Variants in OR2T35 observed in about 807,000 individuals in gnomAD.
OR2T35 encodes the protein olfactory receptor 2T35.
For missense variants in OR2T35, 47 were observed against 278.8 expected, an observed-to-expected ratio of 0.17 and a Z score of 5.92; for synonymous variants, 18 against 110.2, an observed-to-expected ratio of 0.16 and a Z score of 5.24.
intron 1 of OR2T35, among the ~76,000 whole-genome samples, chr1:248,644,523 G>A (rs1312219424): frequency 3.6e-5 from 5 of 137,532 alleles, no homozygotes; most frequent in Non-Finnish European, 7.8e-5. Flanking sequence ...GGAAGAGAGA[G>A]GGGAGAGTCC....
rs146574861 is a variant in OR2T35 at position 248,638,482 on chromosome 1, G to A, written c.777C>T (p.Asn259=). Reference sequence around the variant, plus strand: ...GAGTGTGGTAGGAGTGGGGCAGCACGTTGGTGTAGAAGGCTGCCCCGTAGA... The same window carrying A: ...GAGTGTGGTAGGAGTGGGGCAGCACATTGGTGTAGAAGGCTGCCCCGTAGA... ...SVFYGAAFYT[N]VLPHSYHTPE... Residue 259 remains asparagine (N), a synonymous_variant, in exon 2 of 2, where the codon AAC becomes AAT. Transcript: ENST00000641268. The A allele has an allele frequency of 4.4e-3, 5,635 of 1,287,842 alleles. 96 individuals carry two copies. The highest frequency in any genetic ancestry group is 0.019 in the African/African-American group (1,112 of 58,764). The allele number at this position is 1,287,842 out of a possible 1,614,324, so 79.8% of individuals were successfully genotyped here. A position where few individuals can be genotyped will look rare whatever the true frequency, so the allele number is the denominator to read the frequency against.
intron 1 of OR2T35, among the ~76,000 whole-genome samples, chr1:248,643,914 T>C (rs1572109429): frequency 1.7e-5 from 1 of 59,718 alleles, no homozygotes; most frequent in Non-Finnish European, 4.4e-5. Context: ...CAGCCTCTCT[T>C]TGGCACATCT....
intron 1 of OR2T35, 65 bp downstream of exon 1, chr1:248,645,182 A>T (rs1315269456): frequency 1.5e-5 from 2 of 133,336 alleles, no homozygotes; most frequent in African/African-American, 5.4e-5. Flanking sequence ...TTTATTGAAC[A>T]CTTACTATGC....
chr1:248,645,178 G>T (rs1660846533), intron 1 of OR2T35, 69 bp downstream of exon 1: 2 of 132,202 alleles, frequency 1.5e-5, no homozygotes, highest in East Asian at 2.4e-4. Context: ...AACATTTATT[G>T]AACACTTACT....
rs573626734 is a variant in OR2T35 at position 248,638,159 on chromosome 1, G to C, written c.*128C>G. The C allele has an allele frequency of 4.0e-4, 244 of 615,626 alleles. 29 individuals are homozygous for C. In the South Asian group the frequency reaches 4.3e-3, roughly 11 times the overall value. 38.1% of individuals were successfully genotyped at this position (615,626 alleles called of 1,614,324 possible). Reference sequence around the variant, plus strand: ...TTCTGTAATAGCTGCGTTATTGGCCGCAGCACCGCAGATGTTTGCACTAGT... The same window carrying C: ...TTCTGTAATAGCTGCGTTATTGGCCCCAGCACCGCAGATGTTTGCACTAGT... On this transcript the variant is annotated 3_prime_UTR_variant, in exon 2 of 2. Transcript: ENST00000641268.
rs762229522 is a variant in OR2T35 at position 248,638,273 on chromosome 1, T to G, written c.*14A>C. The G allele has an allele frequency of 2.6e-6, 3 of 1,152,570 alleles. 1 individual carries two copies. Among genetic ancestry groups the G allele is most frequent in the Non-Finnish European group, 2.4e-6 (2 of 822,682 alleles). The allele number at this position is 1,152,570 out of a possible 1,614,324, so 71.4% of individuals were successfully genotyped here. On this transcript the variant is annotated 3_prime_UTR_variant, in exon 2 of 2. Transcript: ENST00000641268. ...CCGATCACAGTCACCACTCTGATAC[T>G]CTGGGAGTCCCTGCTAGCCCTTCCT... is the stretch of plus-strand genomic sequence containing the variant.
Position 248,636,888 on chromosome 1 carries a change from TCC to T in OR2T35, c.*1397_*1398del, listed in dbSNP as rs1660714314. The T allele has an allele frequency of 4.7e-5, 1 of 21,282 alleles. No individual in the cohort carries two copies. The highest frequency in any genetic ancestry group is 8.9e-5 in the African/African-American group (1 of 11,192). The allele number at this position is 21,282 out of a possible 1,614,324, so 1.3% of individuals were successfully genotyped here. A position where few individuals can be genotyped will look rare whatever the true frequency, so the allele number is the denominator to read the frequency against. Reference sequence around the variant, plus strand: ...ATCAACAAAGAAAATAAACACCAGGTCCGTCAATATTTTTTATGTCTCATATT... The same window carrying T: ...ATCAACAAAGAAAATAAACACCAGGTGTCAATATTTTTTATGTCTCATATT... On this transcript the variant is annotated 3_prime_UTR_variant, in exon 2 of 2. Coordinates refer to ENST00000641268, the MANE Select transcript of OR2T35 (RefSeq NM_001001827.2).
Position 248,638,408 on chromosome 1 carries a change from A to C in OR2T35, c.851T>G (p.Met284Arg), listed in dbSNP as rs1183950141. 2 of 1,257,228 alleles carry C rather than the reference A, an allele frequency of 1.6e-6. No homozygotes were observed. Among genetic ancestry groups the C allele is most frequent in the Admixed American group, 3.6e-5 (2 of 55,806 alleles). 77.9% of individuals were successfully genotyped at this position (1,257,228 alleles called of 1,614,324 possible). ...CAAGCTGTAGATGAGTGGGTTGAGC[A>C]TGGGGGTGAGGATGGTGTAGAAGGC... is the stretch of plus-strand genomic sequence containing the variant. ...VSAFYTILTP[M>R]LNPLIYSLRN... is the part of the protein sequence containing the mutation. Residue 284 changes from methionine (M) to arginine (R), a missense_variant, in exon 2 of 2, where the codon ATG becomes AGG. Met to Arg is a moderately conservative substitution (Grantham distance 91). Coordinates refer to ENST00000641268, the MANE Select transcript of OR2T35 (RefSeq NM_001001827.2).
At position 248,638,222 on chromosome 1, in the gene OR2T35, G is replaced by A. The variant is rs1660728417; in HGVS notation, c.*65C>T. 1.0e-6 allele frequency: 1 copy of A among 955,030 alleles called. No individual in the cohort carries two copies. 59.2% of individuals were successfully genotyped at this position (955,030 alleles called of 1,614,324 possible). ...TTCCTGATCAGTCACCACCCCTGAT[G>A]CTCTGGGAGTCCCCGCTAATCCTTC... is the stretch of plus-strand genomic sequence containing the variant. On this transcript the variant is annotated 3_prime_UTR_variant, in exon 2 of 2. Coordinates refer to ENST00000641268, the MANE Select transcript of OR2T35 (RefSeq NM_001001827.2).
Position 248,639,755 on chromosome 1 carries a change from T to G in OR2T35, c.-22-475A>C, listed in dbSNP as rs1244977697. On this transcript the variant is annotated intron_variant, in intron 1 of 1. Coordinates refer to ENST00000641268, the MANE Select transcript of OR2T35 (RefSeq NM_001001827.2). Reference sequence around the variant, plus strand: ...ACAGACGTCTATTTGTGACTTAAATTGATAGAAAACATCTAGATAACTGAC... The same window carrying G: ...ACAGACGTCTATTTGTGACTTAAATGGATAGAAAACATCTAGATAACTGAC... 1.2e-4 allele frequency among the ~76,000 whole-genome samples: 3 copies of G among 25,144 alleles called. No individual in the cohort carries two copies. In the East Asian group the frequency reaches 2.3e-3, roughly 20 times the overall value. The allele number at this position is 25,144 out of a possible 152,430, so 16.5% of individuals were successfully genotyped here. A position where few individuals can be genotyped will look rare whatever the true frequency, so the allele number is the denominator to read the frequency against.
rs773478284 is a variant in OR2T35, at chr1:248,638,325, G to A, written c.934C>T (p.Gln312Ter). ...ATCACAGTCGCCACCCTGATGCTCT[G>A]GGAGGAACCACATCTCCCTAGTACT... is the stretch of plus-strand genomic sequence containing the variant. ...RKVLGRCGSS[Q>*]SIRVATVIRK... is the part of the protein sequence containing the mutation. Residue 312 changes from glutamine to a stop codon, truncating the protein, a stop_gained, in exon 2 of 2, where the codon CAG becomes TAG. Transcript: ENST00000641268. LOFTEE classifies it low-confidence loss of function (END_TRUNC). 7.4e-6 allele frequency: 7 copies of A among 942,614 alleles called. No individual in the cohort carries two copies. The East Asian group carries it at 1.7e-4, about 23-fold the overall frequency. The allele number at this position is 942,614 out of a possible 1,614,324, so 58.4% of individuals were successfully genotyped here.
intron 1 of OR2T35, among the ~76,000 whole-genome samples, chr1:248,644,486 A>T (rs1660830095): frequency 7.8e-6 from 1 of 127,538 alleles, no homozygotes; most frequent in Admixed American, 7.5e-5. Flanking sequence ...AAAGGCTCGA[A>T]AATGGGAATT....
rs1488344993 is a variant in OR2T35 at position 248,643,235 on chromosome 1, TCACC to T, written c.-23+2008_-23+2011del. ...GTTCTTTCAGTAAAAGAATGGCATGTCACCAACATGTTACTAATCCTAAGTGCCA... is the reference window on the plus strand; with the variant it reads ...GTTCTTTCAGTAAAAGAATGGCATGTAACATGTTACTAATCCTAAGTGCCA... On this transcript the variant is annotated intron_variant, in intron 1 of 1. Transcript: ENST00000641268. Among the ~76,000 whole-genome samples the T allele has an allele frequency of 8.4e-3, 415 of 49,532 alleles. 2 individuals are homozygous for T. The highest frequency in any genetic ancestry group is 0.033 in the African/African-American group (383 of 11,768). The allele number at this position is 49,532 out of a possible 152,430, so 32.5% of individuals were successfully genotyped here. A position where few individuals can be genotyped will look rare whatever the true frequency, so the allele number is the denominator to read the frequency against.
In OR2T35 at chr1:248,638,418, G is replaced by A. The variant is rs149780444; in HGVS notation, c.841C>T (p.Leu281Phe). 403 of 1,266,508 alleles carry A rather than the reference G, an allele frequency of 3.2e-4. 2 individuals are homozygous for A. The African/African-American group carries it at 5.8e-3, about 18-fold the overall frequency. The allele number at this position is 1,266,508 out of a possible 1,614,324, so 78.5% of individuals were successfully genotyped here. A position where few individuals can be genotyped will look rare whatever the true frequency, so the allele number is the denominator to read the frequency against. Residue 281 changes from leucine to phenylalanine, a missense_variant, in exon 2 of 2, where the codon CTC (leucine) becomes TTC (phenylalanine). By Grantham distance (22) the Leu-to-Phe change is conservative. Coordinates refer to ENST00000641268, the MANE Select transcript of OR2T35 (RefSeq NM_001001827.2). Reference sequence around the variant, plus strand: ...ATGAGTGGGTTGAGCATGGGGGTGAGGATGGTGTAGAAGGCAGACACCACT... The same window carrying A: ...ATGAGTGGGTTGAGCATGGGGGTGAAGATGGTGTAGAAGGCAGACACCACT... ...DKVVSAFYTI[L>F]TPMLNPLIYS...
At position 248,642,229 on chromosome 1, in the gene OR2T35, AAAAAAAGAAAAAG is replaced by A. The variant is rs1660795111; in HGVS notation, c.-22-2962_-22-2950del. Among the ~76,000 whole-genome samples the A allele has an allele frequency of 7.9e-5, 5 of 63,058 alleles. No individual in the cohort carries two copies. The South Asian group carries it at 5.7e-3, about 72-fold the overall frequency. 41.4% of individuals were successfully genotyped at this position (63,058 alleles called of 152,430 possible). A position where few individuals can be genotyped will look rare whatever the true frequency, so the allele number is the denominator to read the frequency against. On this transcript the variant is annotated intron_variant, in intron 1 of 1. Coordinates refer to ENST00000641268, the MANE Select transcript of OR2T35 (RefSeq NM_001001827.2). Reference sequence around the variant, plus strand: ...AACTAGTCTTTCCAAAAAAAAAAAAAAAAAAAGAAAAAGAAAAAGAAAAAGCTTTTATTTGCGT... The same window carrying A: ...AACTAGTCTTTCCAAAAAAAAAAAAAAAAAAGAAAAAGCTTTTATTTGCGT...
At chr1:248,644,827 C>A (rs1660836703) in intron 1 of OR2T35, among the ~76,000 whole-genome samples, 1 of 140,098 alleles carries the variant, frequency 7.1e-6, no homozygotes, top group South Asian at 2.2e-4. Flanking sequence ...CTCCTGTACT[C>A]CGTCTGCTTT....
chr1:248,639,364 T>TGA (rs1003670296), intron 1 of OR2T35, 84 bp from the exon 2 acceptor site: 2 of 541,836 alleles, frequency 3.7e-6, no homozygotes, highest in African/African-American at 3.9e-5. Context: ...AGAAGCAGCG[T>TGA]GAGATCAAGA....
chr1:248,641,641 A>G (rs532279199), intron 1 of OR2T35, among the ~76,000 whole-genome samples: 26 of 80,562 alleles, frequency 3.2e-4, no homozygotes, highest in African/African-American at 7.1e-4. Flanking sequence ...AAAAAAGCTG[A>G]AACAGGAGAA....
At position 248,638,084 on chromosome 1, in the gene OR2T35, T is replaced by A. The variant is rs371930845; in HGVS notation, c.*203A>T. The A allele has an allele frequency of 4.3e-5, 12 of 278,614 alleles. No homozygotes were observed. The highest frequency in any genetic ancestry group is 2.7e-4 in the African/African-American group (9 of 33,502). 17.3% of individuals were successfully genotyped at this position (278,614 alleles called of 1,614,324 possible). On this transcript the variant is annotated 3_prime_UTR_variant, in exon 2 of 2. Coordinates refer to ENST00000641268, the MANE Select transcript of OR2T35 (RefSeq NM_001001827.2). The stretch of plus-strand genomic sequence containing the variant: ...AACAGGATGATTTTGCCTGTTAATT[T>A]TGAATTGCTGAAAGTGACACTGAAC...
Sources: gnomAD v4.1 joint callset for allele counts (sites outside exome capture counted in the v4.1 genomes callset) on GRCh38, gnomAD v4.1.1 for gene constraint, MANE v1.5 for transcripts, NCBI Gene and HGNC (gene_info 2026-07-23, HGNC 2026-07-21) for gene names.